The following PCDH11X variants were observed in gnomAD, a reference collection of about 807,000 sequenced individuals.
The protein encoded by PCDH11X is protocadherin-11 X-linked.
A neutral mutation model predicts 53.3 loss-of-function variants in PCDH11X; 18 were observed. The observed-to-expected ratio is 0.34, with a 90% confidence interval of 0.23 to 0.50. The LOEUF (loss-of-function observed/expected upper bound fraction) is 0.50. Ranked by LOEUF, PCDH11X falls within the 20% of genes least tolerant of loss-of-function variation. PCDH11X has a pLI of 0.98. For missense variants in PCDH11X, 570 were observed against 1,032.4 expected (o/e 0.55, Z 6.14); for synonymous variants, 279 against 393.3 (o/e 0.71, Z 3.44).
intron 7 of PCDH11X, among the ~76,000 whole-genome samples, chrX:92,237,593 C>A (rs777681017): frequency 1.7e-4 from 19 of 110,787 alleles, no homozygotes; most frequent in African/African-American, 4.6e-4. Context: ...TGTTATAGTC[C>A]AATTGTCAGT....
rs766289739 is a variant in PCDH11X at position 92,621,813 on chromosome X, T to C, written c.*2873T>C. The stretch of plus-strand genomic sequence containing the variant: ...AAATGGTTCTGTTTTAAAAAGGATT[T>C]TGTTTGATTTGAAATTAAAACTTCA... On this transcript the variant is annotated 3_prime_UTR_variant, in exon 11 of 11. Coordinates refer to ENST00000682573, the MANE Select transcript of PCDH11X (RefSeq NM_032968.5). The C allele has an allele frequency of 7.2e-5, 8 of 111,811 alleles. No individual in the cohort carries two copies. The South Asian group carries it at 1.1e-3, about 16-fold the overall frequency. 9.2% of individuals were successfully genotyped at this position (111,811 alleles called of 1,213,427 possible). A position where few individuals can be genotyped will look rare whatever the true frequency, so the allele number is the denominator to read the frequency against.
intron 10 of PCDH11X, among the ~76,000 whole-genome samples, chrX:92,523,725 G>C (rs981397821): frequency 4.5e-5 from 5 of 111,752 alleles, no homozygotes; most frequent in Non-Finnish European, 7.5e-5. Context: ...TCCAGAGATA[G>C]AGGTTTTGCA....
intron 6 of PCDH11X, among the ~76,000 whole-genome samples, chrX:92,114,787 C>G (rs752861301): frequency 9.0e-6 from 1 of 111,013 alleles, no homozygotes; most frequent in Admixed American, 9.7e-5. Flanking sequence ...CTACCCTGCA[C>G]CCCTACTGGA....
At chrX:92,163,523 T>C (rs2065679250) in intron 6 of PCDH11X, among the ~76,000 whole-genome samples, 1 of 110,945 alleles carries the variant, frequency 9.0e-6, no homozygotes, top group Admixed American at 9.6e-5. Context: ...CACTGCTTCC[T>C]CTACCCCTGT....
At position 92,023,486 on chromosome X, in the gene PCDH11X, A is replaced by G. The variant is rs1425697702; in HGVS notation, c.3033+144213A>G. ...CAGGAAGAAGTAGAATCCCTGAATA[A>G]ACCAATAACAAGTTCTGAAATTGAG... On this transcript the variant is annotated intron_variant, in intron 6 of 10. Coordinates refer to ENST00000682573, the MANE Select transcript of PCDH11X (RefSeq NM_032968.5). Among the ~76,000 whole-genome samples the G allele has an allele frequency of 2.7e-5, 3 of 110,731 alleles. No homozygotes were observed. The East Asian group carries it at 8.5e-4, about 31-fold the overall frequency.
chrX:91,950,123 T>A (rs2061621132), intron 6 of PCDH11X, among the ~76,000 whole-genome samples: 1 of 110,193 alleles, frequency 9.1e-6, no homozygotes, highest in Admixed American at 9.7e-5. Context: ...TCATGCAATA[T>A]TTGTATTTAT....
intron 9 of PCDH11X, among the ~76,000 whole-genome samples, chrX:92,465,274 G>A (rs2073136118): frequency 9.0e-6 from 1 of 111,449 alleles, no homozygotes; most frequent in Non-Finnish European, 1.9e-5. Context: ...GAATTAAGGA[G>A]GAGATATATG....
intron 9 of PCDH11X, among the ~76,000 whole-genome samples, chrX:92,437,302 C>A (rs1219371498): frequency 9.0e-6 from 1 of 111,238 alleles, no homozygotes; most frequent in Non-Finnish European, 1.9e-5. Flanking sequence ...CTAAAGATAA[C>A]CAAATAATGA....
chrX:92,327,329 A>ATT (rs2069361719), intron 8 of PCDH11X, among the ~76,000 whole-genome samples: 1 of 93,660 alleles, frequency 1.1e-5, no homozygotes, highest in Admixed American at 1.2e-4. Flanking sequence ...GATGCTTTAA[A>ATT]AAAAAAAAAA....
intron 10 of PCDH11X, among the ~76,000 whole-genome samples, chrX:92,526,408 A>G (rs2074453633): frequency 9.3e-6 from 1 of 106,960 alleles, no homozygotes; most frequent in Admixed American, 1.0e-4. Context: ...TAACCAGAAT[A>G]TATAAGGAGC....
At chrX:91,885,811 A>T (rs1940171361) in intron 6 of PCDH11X, among the ~76,000 whole-genome samples, 1 of 111,952 alleles carries the variant, frequency 8.9e-6, no homozygotes, top group Admixed American at 9.5e-5. Flanking sequence ...TAGAAACTTT[A>T]TTTTTAAAGC....
At chrX:92,249,221 A>G (rs1439385728) in intron 7 of PCDH11X, among the ~76,000 whole-genome samples, 1 of 111,388 alleles carries the variant, frequency 9.0e-6, no homozygotes, top group Non-Finnish European at 1.9e-5. Flanking sequence ...CTTCTAGTAA[A>G]TAAGAAAGAT....
intron 6 of PCDH11X, among the ~76,000 whole-genome samples, chrX:91,940,557 A>G (rs2061496549): frequency 9.0e-6 from 1 of 110,733 alleles, no homozygotes; most frequent in Non-Finnish European, 1.9e-5. Context: ...TGAAAACAGG[A>G]TCTCACTCTG....
At chrX:91,795,894 A>G (rs1935717281) in intron 1 of PCDH11X, among the ~76,000 whole-genome samples, 1 of 111,504 alleles carries the variant, frequency 9.0e-6, no homozygotes, top group African/African-American at 3.3e-5. Context: ...CCAATCATCC[A>G]ATTTATGGAA....
At chrX:92,105,909 G>A (rs957446734) in intron 6 of PCDH11X, among the ~76,000 whole-genome samples, 1 of 111,257 alleles carries the variant, frequency 9.0e-6, no homozygotes, top group Non-Finnish European at 1.9e-5. Context: ...TGGGCTCAGA[G>A]GCCTGACACT....
At chrX:91,797,648 A>T (rs1467086863) in intron 1 of PCDH11X, among the ~76,000 whole-genome samples, 1 of 109,803 alleles carries the variant, frequency 9.1e-6, no homozygotes, top group Non-Finnish European at 1.9e-5. Flanking sequence ...ATCTAGTTGA[A>T]TCAATCAATT....
In PCDH11X at chrX:92,402,018, G is replaced by T. The variant is rs187374812; in HGVS notation, c.3343+14085G>T. Among the ~76,000 whole-genome samples the T allele has an allele frequency of 2.7e-5, 3 of 110,772 alleles. No individual in the cohort carries two copies. The East Asian group carries it at 8.5e-4, about 31-fold the overall frequency. On this transcript the variant is annotated intron_variant, in intron 9 of 10. Transcript: ENST00000682573. Reference sequence around the variant, plus strand: ...TGCTTTTGAAGGAAAGATTAATTCCGTTATCAAATTAACACGTGCACAAAT... The same window carrying T: ...TGCTTTTGAAGGAAAGATTAATTCCTTTATCAAATTAACACGTGCACAAAT...
chrX:92,447,457 G>A lies in PCDH11X; in HGVS notation c.3344-20842G>A, dbSNP rs752895429. Among the ~76,000 whole-genome samples the A allele has an allele frequency of 1.1e-3, 121 of 111,466 alleles. 1 individual carries two copies. Among genetic ancestry groups the A allele is most frequent in the African/African-American group, 3.8e-3 (116 of 30,659 alleles). ...AATAAATGGGGCCAAGGTACAGCTC[G>A]AGTCATGGCTTCAAAGGGTGCAAGC... is the stretch of plus-strand genomic sequence containing the variant. On this transcript the variant is annotated intron_variant, in intron 9 of 10. Transcript: ENST00000682573.
intron 1 of PCDH11X, among the ~76,000 whole-genome samples, chrX:91,796,802 G>T (rs1935750571): frequency 9.0e-6 from 1 of 111,350 alleles, no homozygotes; most frequent in Non-Finnish European, 1.9e-5. Flanking sequence ...CCTCTGTGAA[G>T]TAGGAGGTAG....
Sources: allele counts gnomAD v4.1 joint callset (sites outside exome capture counted in the v4.1 genomes callset), GRCh38; gene constraint gnomAD v4.1.1; transcripts MANE v1.5; gene names NCBI Gene and HGNC (gene_info 2026-07-23, HGNC 2026-07-21).